The following RORA variants were observed in gnomAD, a reference collection of about 807,000 sequenced individuals.
RORA encodes the protein RAR related orphan receptor A.
Under a neutral mutation model 69.5 loss-of-function variants are expected in RORA, and 7 were observed. The ratio of observed to expected loss-of-function variants is 0.10; its 90% CI spans 0.06 to 0.19. The LOEUF (loss-of-function observed/expected upper bound fraction) is 0.19, where lower values mean the gene tolerates loss of function less well. Ranked by LOEUF, RORA falls within the 10% of genes least tolerant of loss-of-function variation. The probability of loss-of-function intolerance (pLI) is 1.00; values close to 1 mark genes in which losing one functional copy is unlikely to be tolerated. For synonymous variants in RORA, 261 were observed against 240.8 expected (o/e 1.08, Z -0.78); for missense variants, 457 against 663.0 (o/e 0.69, Z 3.41).
At chr15:60,743,967 T>C (rs756127174) in intron 1 of RORA, among the ~76,000 whole-genome samples, 62 of 152,026 alleles carry the variant, frequency 4.1e-4, no homozygotes, top group Non-Finnish European at 6.8e-4. Context: ...TTGGTTTCCA[T>C]TGGAGAAACC....
chr15:60,950,823 C>A (rs1435470567), intron 1 of RORA, among the ~76,000 whole-genome samples: 1 of 126,030 alleles, frequency 7.9e-6, no homozygotes, highest in African/African-American at 3.1e-5. Flanking sequence ...GACTTAGACT[C>A]CCACACATTA....
chr15:60,861,086 T>A (rs1253037464), intron 1 of RORA, among the ~76,000 whole-genome samples: 1 of 152,202 alleles, frequency 6.6e-6, no homozygotes, highest in Admixed American at 6.5e-5. Flanking sequence ...AACGACCTTT[T>A]GGCTGTTACT....
At chr15:60,962,807 C>G (rs182166301) in intron 1 of RORA, among the ~76,000 whole-genome samples, 1 of 152,150 alleles carries the variant, frequency 6.6e-6, no homozygotes, top group Non-Finnish European at 1.5e-5. Context: ...TGGGAAAACA[C>G]AAGCCTTGCT....
chr15:61,205,953 C>T (rs186978696), intron 1 of RORA, among the ~76,000 whole-genome samples: 2 of 152,286 alleles, frequency 1.3e-5, no homozygotes, highest in Admixed American at 6.5e-5. Context: ...GACTCAGACT[C>T]AGCAACTCTT....
At position 60,512,198 on chromosome 15, in the gene RORA, CTGACCTAA is replaced by C. The variant is rs1428754573; in HGVS notation, c.425-585_425-578del. 2.6e-5 allele frequency: 4 copies of C among 152,448 alleles called. No homozygotes were observed. In the East Asian group the frequency reaches 5.8e-4, roughly 22 times the overall value. 9.4% of individuals were successfully genotyped at this position (152,448 alleles called of 1,614,324 possible). ...AATTCTTTGAATTACATCAGAGTAC[CTGACCTAA>C]GAAGCCCCCTCCTCCAGTCATGGGT... On this transcript the variant is annotated intron_variant, in intron 4 of 10. Coordinates refer to ENST00000335670, the MANE Select transcript of RORA (RefSeq NM_134261.3).
At position 60,995,434 on chromosome 15, in the gene RORA, A is replaced by G. The variant is rs529630512; in HGVS notation, c.166+233619T>C. Among the ~76,000 whole-genome samples the G allele has an allele frequency of 1.4e-4, 22 of 152,252 alleles. 1 individual carries two copies. The South Asian group carries it at 4.6e-3, about 32-fold the overall frequency. The stretch of plus-strand genomic sequence containing the variant: ...GCTCCCTTCTATTTCCTGGCTCCAC[A>G]TTCTGATAGGCGTGACCTTGGAAGA... On this transcript the variant is annotated intron_variant, in intron 1 of 10. Coordinates refer to ENST00000335670, the MANE Select transcript of RORA (RefSeq NM_134261.3).
intron 1 of RORA, among the ~76,000 whole-genome samples, chr15:60,866,352 T>C (rs984168802): frequency 2.0e-5 from 3 of 152,224 alleles, no homozygotes; most frequent in African/African-American, 7.2e-5. Context: ...TTCCAAGTGA[T>C]TTTGTGATTT....
At chr15:60,838,014 T>C (rs573224018) in intron 1 of RORA, among the ~76,000 whole-genome samples, 6 of 152,066 alleles carry the variant, frequency 3.9e-5, no homozygotes, top group Non-Finnish European at 8.8e-5. Flanking sequence ...CCCGGCTCTA[T>C]CCCATGAAGA....
intron 1 of RORA, among the ~76,000 whole-genome samples, chr15:60,913,713 G>T (rs1390475644): frequency 6.6e-6 from 1 of 152,140 alleles, no homozygotes; most frequent in Admixed American, 6.5e-5. Context: ...GCAAATATTT[G>T]GATGACTATA....
chr15:60,874,542 G>A (rs1296248608), intron 1 of RORA, among the ~76,000 whole-genome samples: 1 of 152,216 alleles, frequency 6.6e-6, no homozygotes, highest in Non-Finnish European at 1.5e-5. Flanking sequence ...AGGAATGAGT[G>A]TAGCTGTTTT....
intron 2 of RORA, among the ~76,000 whole-genome samples, chr15:60,664,195 A>T (rs1757182560): frequency 6.6e-6 from 1 of 152,218 alleles, no homozygotes; most frequent in African/African-American, 2.4e-5. Flanking sequence ...TCCACAAATC[A>T]GGCCATGGAA....
intron 1 of RORA, among the ~76,000 whole-genome samples, chr15:60,830,548 A>G (rs1381206206): frequency 6.6e-6 from 1 of 152,248 alleles, no homozygotes; most frequent in African/African-American, 2.4e-5. Context: ...AAATCCCTAA[A>G]TCACTACACA....
At chr15:60,725,284 C>T (rs757903703) in intron 1 of RORA, among the ~76,000 whole-genome samples, 20 of 152,146 alleles carry the variant, frequency 1.3e-4, no homozygotes, top group Non-Finnish European at 1.9e-4. Context: ...ATATTTTCTG[C>T]GCTCTTATTA....
At chr15:60,599,897 C>T (rs533898351) in intron 2 of RORA, among the ~76,000 whole-genome samples, 1 of 152,312 alleles carries the variant, frequency 6.6e-6, no homozygotes, top group East Asian at 1.9e-4. Context: ...AGTTAAATTA[C>T]ACTTAATAAA....
rs936956640 is a variant in RORA at position 60,963,037 on chromosome 15, T to A, written c.166+266016A>T. 3.9e-5 allele frequency among the ~76,000 whole-genome samples: 6 copies of A among 152,234 alleles called. 1 individual carries two copies. In the South Asian group the frequency reaches 1.2e-3, roughly 32 times the overall value. On this transcript the variant is annotated intron_variant, in intron 1 of 10. Transcript: ENST00000335670. ...TATCTAATCACCTCTATGTTCCTAC[T>A]ACCATGATGCCTATAAGCAGCAATC...
At chr15:60,777,372 C>A (rs2072184888) in intron 1 of RORA, among the ~76,000 whole-genome samples, 1 of 152,180 alleles carries the variant, frequency 6.6e-6, no homozygotes, top group African/African-American at 2.4e-5. Context: ...TGGTTACAGT[C>A]CCAGCTTTGC....
chr15:60,989,059 A>G (rs748730452), intron 1 of RORA, among the ~76,000 whole-genome samples: 5 of 152,210 alleles, frequency 3.3e-5, no homozygotes, highest in South Asian at 2.1e-4. Flanking sequence ...TTTTATTTCT[A>G]TTCAGGTGAA....
chr15:60,775,728 C>A (rs948242314), intron 1 of RORA, among the ~76,000 whole-genome samples: 1 of 152,152 alleles, frequency 6.6e-6, no homozygotes, highest in African/African-American at 2.4e-5. Flanking sequence ...TATTAATGAA[C>A]AGTATGGTGT....
chr15:60,882,026 G>A (rs2073685661), intron 1 of RORA, among the ~76,000 whole-genome samples: 1 of 152,260 alleles, frequency 6.6e-6, no homozygotes. Context: ...TCCCGCGCAC[G>A]TGTTGCGGAA....
Sources: allele counts gnomAD v4.1 joint callset (sites outside exome capture counted in the v4.1 genomes callset), GRCh38; gene constraint gnomAD v4.1.1; transcripts MANE v1.5; gene names NCBI Gene and HGNC (gene_info 2026-07-23, HGNC 2026-07-21).